AGBL1: variants seen among roughly 807,000 people sequenced by gnomAD.
AGBL1 encodes AGBL carboxypeptidase 1.
Under a neutral mutation model 118.9 loss-of-function variants are expected in AGBL1, and 130 were observed. The ratio of observed to expected loss-of-function variants is 1.09; its 90% CI spans 0.95 to 1.26. AGBL1 has a LOEUF of 1.26. AGBL1 is among the 50% of genes most tolerant of loss of function. AGBL1 has a pLI of 0.00. For missense variants in AGBL1, 1,584 were observed against 1,298.1 expected (o/e 1.22, Z -3.38); for synonymous variants, 555 against 478.9 (o/e 1.16, Z -2.08).
At chr15:86,755,227 G>T (rs559089497) in intron 22 of AGBL1, among the ~76,000 whole-genome samples, 118 of 152,196 alleles carry the variant, frequency 7.8e-4, no homozygotes, top group Non-Finnish European at 1.4e-3. Context: ...ATGACCTAAT[G>T]TTTTTGGCTG....
chr15:86,721,516 A>G (rs1006311937), intron 22 of AGBL1, among the ~76,000 whole-genome samples: 45 of 152,228 alleles, frequency 3.0e-4, no homozygotes, highest in African/African-American at 9.6e-4. Context: ...AATAAGAGCT[A>G]TCTATATCTA....
intron 22 of AGBL1, among the ~76,000 whole-genome samples, chr15:86,717,670 G>A (rs1419073216): frequency 6.6e-6 from 1 of 151,058 alleles, no homozygotes; most frequent in Non-Finnish European, 1.5e-5. Flanking sequence ...TGTTTGTATT[G>A]CCTCTGATTA....
intron 23 of AGBL1, among the ~76,000 whole-genome samples, chr15:86,933,674 C>T (rs559107991): frequency 4.6e-5 from 7 of 152,298 alleles, no homozygotes; most frequent in African/African-American, 9.6e-5. Flanking sequence ...TCAATGATCA[C>T]GTTTTATCTG....
At chr15:86,879,661 C>A (rs571774993) in intron 22 of AGBL1, among the ~76,000 whole-genome samples, 1 of 152,280 alleles carries the variant, frequency 6.6e-6, no homozygotes, top group African/African-American at 2.4e-5. Context: ...TAAATTACAC[C>A]TTTCCTTTGG....
chr15:86,950,378 TAGAA>T (rs1259428400), intron 23 of AGBL1, among the ~76,000 whole-genome samples: 27 of 151,120 alleles, frequency 1.8e-4, no homozygotes, highest in African/African-American at 6.3e-4. Flanking sequence ...ATTAGATTCA[TAGAA>T]TTCAACCAAG....
chr15:86,522,630 A>G (rs2083204075), intron 18 of AGBL1, among the ~76,000 whole-genome samples, 180 bp from the exon 19 acceptor site: 2 of 152,220 alleles, frequency 1.3e-5, no homozygotes, highest in Non-Finnish European at 2.9e-5. Flanking sequence ...TAATTATGAT[A>G]CTTTGGAGCT....
chr15:86,355,242 C>T (rs1019432608), intron 17 of AGBL1, among the ~76,000 whole-genome samples: 2 of 152,096 alleles, frequency 1.3e-5, no homozygotes, highest in Non-Finnish European at 2.9e-5. Context: ...TTTATGTTTA[C>T]ATAAAGGTAT....
chr15:86,655,730 C>T (rs961308916), intron 21 of AGBL1, among the ~76,000 whole-genome samples: 1 of 152,126 alleles, frequency 6.6e-6, no homozygotes, highest in Non-Finnish European at 1.5e-5. Flanking sequence ...GAAGTCATTG[C>T]TAACTTGCAG....
chr15:86,582,036 T>C (rs1260084952), intron 21 of AGBL1, among the ~76,000 whole-genome samples: 1 of 152,132 alleles, frequency 6.6e-6, no homozygotes, highest in Non-Finnish European at 1.5e-5. Flanking sequence ...TTTTTGGTAG[T>C]AGAGGCTGAC....
chr15:86,102,279 G>T (rs939828663), intron 1 of AGBL1, among the ~76,000 whole-genome samples: 1 of 152,088 alleles, frequency 6.6e-6, no homozygotes, highest in African/African-American at 2.4e-5. Flanking sequence ...GACCTCAAGT[G>T]ACCCGCTCAC....
At chr15:86,693,101 C>T (rs543505378) in intron 22 of AGBL1, among the ~76,000 whole-genome samples, 14 of 152,092 alleles carry the variant, frequency 9.2e-5, no homozygotes, top group Admixed American at 6.5e-4. Flanking sequence ...CGTATAATGA[C>T]TTCTTTTCTC....
intron 22 of AGBL1, among the ~76,000 whole-genome samples, chr15:86,871,022 C>T (rs1014039703): frequency 3.7e-4 from 56 of 152,176 alleles, no homozygotes; most frequent in African/African-American, 1.3e-3. Context: ...TCTTATCTGT[C>T]GCTCACTATC....
At chr15:86,831,995 G>C (rs1407381178) in intron 22 of AGBL1, among the ~76,000 whole-genome samples, 1 of 152,202 alleles carries the variant, frequency 6.6e-6, no homozygotes, top group Non-Finnish European at 1.5e-5. Flanking sequence ...TGTCCCTGCA[G>C]GCCCAACACC....
At chr15:86,968,608 C>T (rs2081077320) in intron 23 of AGBL1, among the ~76,000 whole-genome samples, 1 of 151,836 alleles carries the variant, frequency 6.6e-6, no homozygotes, top group African/African-American at 2.4e-5. Flanking sequence ...TTCATCTTAC[C>T]CTGGCATAAA....
At chr15:86,738,699 G>C (rs1035298286) in intron 22 of AGBL1, among the ~76,000 whole-genome samples, 2 of 152,070 alleles carry the variant, frequency 1.3e-5, no homozygotes, top group Admixed American at 1.3e-4. Flanking sequence ...AATGAATTTG[G>C]GAAATCTAAG....
chr15:86,326,051 A>G (rs1439088985), intron 17 of AGBL1, among the ~76,000 whole-genome samples: 1 of 152,176 alleles, frequency 6.6e-6, no homozygotes, highest in Non-Finnish European at 1.5e-5. Flanking sequence ...TAAAGGTTCA[A>G]ATGAGAAGAG....
intron 10 of AGBL1, among the ~76,000 whole-genome samples, chr15:86,264,002 T>C (rs2079032562): frequency 6.6e-6 from 1 of 152,164 alleles, no homozygotes; most frequent in Non-Finnish European, 1.5e-5. Flanking sequence ...TGTAATTTAG[T>C]AGGGGGTCTT....
chr15:86,919,315 G>A (rs1204293760), downstream of AGBL1, among the ~76,000 whole-genome samples: 1 of 152,170 alleles, frequency 6.6e-6, no homozygotes, highest in Non-Finnish European at 1.5e-5. Flanking sequence ...AGATTTTCCT[G>A]TAGTCTGACA....
intron 23 of AGBL1, among the ~76,000 whole-genome samples, chr15:86,975,038 A>G (rs1445140822): frequency 1.3e-5 from 2 of 152,040 alleles, no homozygotes; most frequent in Non-Finnish European, 2.9e-5. Context: ...ATTTCTCATT[A>G]GCTCTGAGGT....
Sources: gnomAD v4.1 joint callset for allele counts (sites outside exome capture counted in the v4.1 genomes callset) on GRCh38, gnomAD v4.1.1 for gene constraint, MANE v1.5 for transcripts, NCBI Gene and HGNC (gene_info 2026-07-23, HGNC 2026-07-21) for gene names.